Variants in PPP2R2C observed in about 807,000 individuals in gnomAD.
The protein encoded by PPP2R2C is protein phosphatase 2, regulatory subunit B, gamma.
A neutral mutation model predicts 45.3 loss-of-function variants in PPP2R2C; 10 were observed. That is an observed-to-expected ratio of 0.22 (90% CI 0.14 to 0.37). The LOEUF is 0.37. Among genes scored for constraint, PPP2R2C ranks in the 10% least tolerant of loss-of-function variants. The pLI is 1.00. For synonymous variants in PPP2R2C, 257 were observed against 245.4 expected (o/e 1.05, Z -0.44); for missense variants, 308 against 619.7 (o/e 0.50, Z 5.34).
chr4:6,510,998 CAAA>C (rs1190184264), intron 2 of PPP2R2C, among the ~76,000 whole-genome samples: 8 of 77,164 alleles, frequency 1.0e-4, no homozygotes, highest in African/African-American at 3.4e-4. Context: ...AACAAACAAA[CAAA>C]AAAAAAAACA....
intron 1 of PPP2R2C, among the ~76,000 whole-genome samples, chr4:6,394,038 A>C (rs991930554): frequency 6.6e-6 from 1 of 152,234 alleles, no homozygotes; most frequent in Non-Finnish European, 1.5e-5. Context: ...TCCTTCTTGC[A>C]ACACAGGCTC....
At chr4:6,385,190 G>T (rs1056992574) in intron 1 of PPP2R2C, among the ~76,000 whole-genome samples, 1 of 152,048 alleles carries the variant, frequency 6.6e-6, no homozygotes, top group African/African-American at 2.4e-5. Context: ...GGATGGTCCC[G>T]CCTACCAGTC....
intron 1 of PPP2R2C, among the ~76,000 whole-genome samples, chr4:6,542,730 A>G (rs1331406713): frequency 2.0e-5 from 3 of 151,828 alleles, no homozygotes; most frequent in African/African-American, 7.2e-5. Flanking sequence ...AGAAAAAAAG[A>G]TCATGCTAGA....
intron 1 of PPP2R2C, among the ~76,000 whole-genome samples, chr4:6,551,520 G>A (rs1577254280): frequency 1.3e-5 from 2 of 152,172 alleles, no homozygotes; most frequent in African/African-American, 4.8e-5. Flanking sequence ...GAGTCTGGTG[G>A]GCCTGTGACC....
chr4:6,448,843 T>C (rs561698956), intron 1 of PPP2R2C, among the ~76,000 whole-genome samples: 1 of 152,328 alleles, frequency 6.6e-6, no homozygotes, highest in East Asian at 1.9e-4. Flanking sequence ...ATGAGCCACC[T>C]GCACGAAGGC....
At chr4:6,458,253 G>T (rs1176853090) in intron 1 of PPP2R2C, among the ~76,000 whole-genome samples, 1 of 152,192 alleles carries the variant, frequency 6.6e-6, no homozygotes, top group African/African-American at 2.4e-5. Context: ...GAGTGGCTTA[G>T]TCTGTTCAGG....
intron 6 of PPP2R2C, among the ~76,000 whole-genome samples, chr4:6,340,092 A>G (rs185199443): frequency 8.2e-4 from 125 of 152,284 alleles, no homozygotes; most frequent in Admixed American, 1.3e-3. Flanking sequence ...GGTGGGCACA[A>G]TGAATGCTCA....
chr4:6,360,839 G>A (rs10446500), intron 5 of PPP2R2C, among the ~76,000 whole-genome samples: 34,870 of 152,038 alleles, frequency 0.23, 4,338 homozygotes, highest in Non-Finnish European at 0.26. Flanking sequence ...CCAATAACAC[G>A]GTGTTAGCAG....
Position 6,378,780 on chromosome 4 carries a change from T to C in PPP2R2C, c.169-208A>G, listed in dbSNP as rs902627671. The stretch of plus-strand genomic sequence containing the variant: ...CAAGCCCCGCTCCCGTGCGGTCCCA[T>C]GAAACACTCACACCCGAGCCGGCTA... On this transcript the variant is annotated intron_variant, in intron 2 of 8. Coordinates refer to ENST00000382599, the MANE Select transcript of PPP2R2C (RefSeq NM_020416.4). The surrounding 1 kb of genome is among the most constrained non-coding windows in gnomAD (Gnocchi z 5.2). 4.6e-5 allele frequency among the ~76,000 whole-genome samples: 7 copies of C among 151,982 alleles called. No homozygotes were observed. Among genetic ancestry groups the C allele is most frequent in the Non-Finnish European group, 8.8e-5 (6 of 67,998 alleles).
intron 2 of PPP2R2C, among the ~76,000 whole-genome samples, chr4:6,478,134 G>A (rs1041466498): frequency 1.3e-5 from 2 of 152,100 alleles, no homozygotes; most frequent in Non-Finnish European, 2.9e-5. Context: ...TCATGCTCCC[G>A]CCGACAGTGC....
rs115207848 is a variant in PPP2R2C at position 6,324,107 on chromosome 4, T to C, written c.1053-514A>G. Among the ~76,000 whole-genome samples the C allele has an allele frequency of 4.4e-3, 675 of 152,118 alleles. 2 individuals carry two copies. The highest frequency in any genetic ancestry group is 0.015 in the African/African-American group (638 of 41,498). ...CAGACTTTGGGGCCAGGAGCTAAGA[T>C]CCTTTTTATCCTCTGCCCCAATCAT... On this transcript the variant is annotated intron_variant, in intron 8 of 8. Coordinates refer to ENST00000382599, the MANE Select transcript of PPP2R2C (RefSeq NM_020416.4). The surrounding 1 kb of genome is among the most constrained non-coding windows in gnomAD (Gnocchi z 4.1).
chr4:6,418,733 G>C (rs1396168227), intron 1 of PPP2R2C, among the ~76,000 whole-genome samples: 2 of 152,248 alleles, frequency 1.3e-5, no homozygotes, highest in African/African-American at 4.8e-5. Context: ...CTGCTAGGAT[G>C]GAGGGAAGCA....
rs748566105 is a variant in PPP2R2C at position 6,329,308 on chromosome 4, C to T, written c.1006G>A (p.Asp336Asn). 1 of 1,614,214 alleles carries T rather than the reference C, an allele frequency of 6.2e-7. No individual in the cohort carries two copies. Among genetic ancestry groups the T allele is most frequent in the Non-Finnish European group, 8.5e-7 (1 of 1,180,030 alleles). Reference sequence around the variant, plus strand: ...CATTCAAACTTGTCGAAAATGCAGTCGTTCTCGTACAGGGAACAGAGCTTG... The same window carrying T: ...CATTCAAACTTGTCGAAAATGCAGTTGTTCTCGTACAGGGAACAGAGCTTG... ...RSKLCSLYENDCIFDKFECAW... is the reference protein window; with the variant it reads ...RSKLCSLYENNCIFDKFECAW... The change falls in exon 8 of 9, where the codon GAC (aspartate) becomes AAC (asparagine). Residue 336 changes from aspartate (D) to asparagine (N), a missense_variant. Physicochemically the swap from Asp to Asn is conservative, Grantham distance 23 (BLOSUM62 1). Transcript: ENST00000382599. The surrounding 1 kb of genome is among the most constrained non-coding windows in gnomAD (Gnocchi z 5.8).
chr4:6,352,777 A>G (rs1450086462), intron 5 of PPP2R2C, among the ~76,000 whole-genome samples: 4 of 152,210 alleles, frequency 2.6e-5, no homozygotes, highest in African/African-American at 9.7e-5. Context: ...ATACATCAGC[A>G]TAGCATGTGT....
intron 2 of PPP2R2C, among the ~76,000 whole-genome samples, chr4:6,502,639 G>A (rs1723096968): frequency 6.6e-6 from 1 of 151,936 alleles, no homozygotes; most frequent in Non-Finnish European, 1.5e-5. Context: ...TCTTCTAGGG[G>A]GCTAGAAAGA....
chr4:6,393,917 A>G (rs994883797), intron 1 of PPP2R2C, among the ~76,000 whole-genome samples: 2 of 152,182 alleles, frequency 1.3e-5, no homozygotes, highest in Non-Finnish European at 2.9e-5. Flanking sequence ...CCAACCCTCC[A>G]TCGGATCCCC....
chr4:6,546,632 G>C (rs891157898), intron 1 of PPP2R2C, among the ~76,000 whole-genome samples: 1 of 152,154 alleles, frequency 6.6e-6, no homozygotes, highest in African/African-American at 2.4e-5. Flanking sequence ...TGCAAAGGTT[G>C]GGGACCACAT....
At chr4:6,477,795 G>A (rs1332628254) in intron 2 of PPP2R2C, among the ~76,000 whole-genome samples, 1 of 149,806 alleles carries the variant, frequency 6.7e-6, no homozygotes, top group East Asian at 2.0e-4. Context: ...AGGATGCACT[G>A]GAGTCATCCC....
intron 1 of PPP2R2C, among the ~76,000 whole-genome samples, chr4:6,390,132 C>G (rs756392903): frequency 6.6e-6 from 1 of 152,170 alleles, no homozygotes; most frequent in African/African-American, 2.4e-5. Context: ...TTTACCTCCA[C>G]GTACTTCCAG....
Sources: gnomAD v4.1 joint callset for allele counts (sites outside exome capture counted in the v4.1 genomes callset) on GRCh38, gnomAD v4.1.1 for gene constraint, Gnocchi (gnomAD v3.1) non-coding constraint, MANE v1.5 for transcripts, NCBI Gene and HGNC (gene_info 2026-07-23, HGNC 2026-07-21) for gene names.